The following CEMIP variants were observed in gnomAD, a reference collection of about 807,000 sequenced individuals.
CEMIP encodes cell migration-inducing and hyaluronan-binding protein.
CEMIP carries 105 observed loss-of-function variants against 156.9 expected under a neutral mutation model. That is an observed-to-expected ratio of 0.67 (90% CI 0.57 to 0.79). The LOEUF is 0.79. CEMIP is among the 30% of genes least tolerant of loss of function. The pLI is 0.00. For synonymous variants in CEMIP, 676 were observed against 668.4 expected (o/e 1.01, Z -0.17); for missense variants, 1,457 against 1,769.4 (o/e 0.82, Z 3.17).
chr15:80,899,299 G>A (rs1185389044), intron 12 of CEMIP, among the ~76,000 whole-genome samples: 1 of 152,126 alleles, frequency 6.6e-6, no homozygotes, highest in Non-Finnish European at 1.5e-5. Context: ...GCCATGGTGA[G>A]CAAGATAGAT....
At chr15:80,945,727 G>A (rs1901525415) in intron 28 of CEMIP, among the ~76,000 whole-genome samples, 1 of 152,184 alleles carries the variant, frequency 6.6e-6, no homozygotes, top group African/African-American at 2.4e-5. Context: ...TGTGGTCTGT[G>A]GTTACAGAGT....
At chr15:80,869,320 A>G (rs931304179) in intron 1 of CEMIP, among the ~76,000 whole-genome samples, 3 of 152,202 alleles carry the variant, frequency 2.0e-5, no homozygotes, top group Non-Finnish European at 4.4e-5. Flanking sequence ...GGAGTGCACA[A>G]TTCAGCCTGT....
chr15:80,792,323 G>C (rs180819046), intron 1 of CEMIP, among the ~76,000 whole-genome samples: 2 of 152,168 alleles, frequency 1.3e-5, no homozygotes, highest in Non-Finnish European at 2.9e-5. Context: ...CCACCAGTTT[G>C]CATGCTGTCT....
intron 1 of CEMIP, among the ~76,000 whole-genome samples, chr15:80,807,142 C>T (rs542478344): frequency 2.7e-4 from 41 of 151,382 alleles, no homozygotes; most frequent in Non-Finnish European, 5.3e-4. Flanking sequence ...TGGGACTAGA[C>T]GTAGGATAGG....
chr15:80,936,981 G>C, intron 24 of CEMIP, 96 bp downstream of exon 24: 1 of 1,182,480 alleles, frequency 8.5e-7, no homozygotes, highest in South Asian at 1.2e-5. Flanking sequence ...CCACAGGCTA[G>C]CCCATGTGAT....
chr15:80,865,731 G>A (rs4353448), intron 1 of CEMIP, among the ~76,000 whole-genome samples: 76,615 of 150,424 alleles, frequency 0.51, 20,115 homozygotes, highest in East Asian at 0.76. Context: ...TCTTCTTCCA[G>A]TATGGCCCAG....
intron 1 of CEMIP, among the ~76,000 whole-genome samples, chr15:80,834,690 A>G (rs1378395575): frequency 6.6e-6 from 1 of 152,222 alleles, no homozygotes; most frequent in Non-Finnish European, 1.5e-5. Context: ...ATGTCTTGAA[A>G]TCCAGGAGAT....
At chr15:80,786,026 T>C (rs1484663788) in intron 1 of CEMIP, among the ~76,000 whole-genome samples, 2 of 152,166 alleles carry the variant, frequency 1.3e-5, no homozygotes, top group Non-Finnish European at 2.9e-5. Flanking sequence ...GATAAAATCT[T>C]AGTAAATCCA....
At chr15:80,904,358 T>G (rs1394335357) in intron 12 of CEMIP, among the ~76,000 whole-genome samples, 1 of 152,138 alleles carries the variant, frequency 6.6e-6, no homozygotes, top group Non-Finnish European at 1.5e-5. Flanking sequence ...ACCACTGCAT[T>G]CCAGCCTGGG....
intron 1 of CEMIP, among the ~76,000 whole-genome samples, chr15:80,815,208 A>T: frequency 6.6e-6 from 1 of 152,212 alleles, no homozygotes; most frequent in East Asian, 1.9e-4. Context: ...TCACTCACTA[A>T]CTTTCAGACT....
intron 10 of CEMIP, among the ~76,000 whole-genome samples, chr15:80,893,958 T>C (rs1364966493): frequency 1.3e-5 from 2 of 152,046 alleles, no homozygotes; most frequent in African/African-American, 2.4e-5. Context: ...CTTTGAATGA[T>C]AGTCATGGTC....
chr15:80,816,106 T>A (rs768917773), intron 1 of CEMIP, among the ~76,000 whole-genome samples: 1 of 152,256 alleles, frequency 6.6e-6, no homozygotes, highest in Non-Finnish European at 1.5e-5. Context: ...CAGCGCTATT[T>A]TTCTTTTTTA....
At chr15:80,878,208 CA>C (rs996876863) in intron 3 of CEMIP, among the ~76,000 whole-genome samples, 2 of 152,218 alleles carry the variant, frequency 1.3e-5, no homozygotes, top group Admixed American at 6.5e-5. Flanking sequence ...AATCAGGGGT[CA>C]CTTTGTTATA....
intron 25 of CEMIP, chr15:80,938,210 G>A: frequency 4.0e-6 from 2 of 495,364 alleles, no homozygotes; most frequent in Middle Eastern, 5.5e-4. Flanking sequence ...GAATTGTAGG[G>A]AATTTACATA....
intron 1 of CEMIP, among the ~76,000 whole-genome samples, chr15:80,840,366 A>G (rs1036989061): frequency 3.9e-5 from 6 of 152,148 alleles, no homozygotes; most frequent in African/African-American, 7.2e-5. Context: ...AGGTCTTGCA[A>G]GTCAGCCCAG....
At chr15:80,817,851 A>C (rs1896822412) in intron 1 of CEMIP, among the ~76,000 whole-genome samples, 2 of 152,080 alleles carry the variant, frequency 1.3e-5, no homozygotes, top group African/African-American at 4.8e-5. Context: ...ACTTGCTTAA[A>C]TGCACCACTT....
At chr15:80,801,340 T>C (rs1469429844) in intron 1 of CEMIP, among the ~76,000 whole-genome samples, 29 of 152,246 alleles carry the variant, frequency 1.9e-4, no homozygotes, top group Admixed American at 1.9e-3. Context: ...TAGGATGGCC[T>C]CATTTATGTG....
intron 12 of CEMIP, among the ~76,000 whole-genome samples, chr15:80,904,673 G>A (rs374168464): frequency 7.2e-5 from 11 of 152,218 alleles, no homozygotes; most frequent in African/African-American, 2.2e-4. Flanking sequence ...TAAAGATGGC[G>A]GAAGGGGTCA....
chr15:80,866,858 T>G (rs577442650), intron 1 of CEMIP, among the ~76,000 whole-genome samples: 5 of 151,438 alleles, frequency 3.3e-5, no homozygotes, highest in African/African-American at 1.2e-4. Flanking sequence ...AAATAATGAT[T>G]TGAAGCGTTG....
Sources: gnomAD v4.1 joint callset for allele counts (sites outside exome capture counted in the v4.1 genomes callset) on GRCh38, gnomAD v4.1.1 for gene constraint, MANE v1.5 for transcripts, NCBI Gene and HGNC (gene_info 2026-07-23, HGNC 2026-07-21) for gene names.